GPM6A: variants seen among roughly 807,000 people sequenced by gnomAD.
GPM6A encodes the protein glycoprotein M6A, also known as neuronal membrane glycoprotein M6-a.
Under a neutral mutation model 32.1 loss-of-function variants are expected in GPM6A, and 7 were observed. The ratio of observed to expected loss-of-function variants is 0.22; its 90% CI spans 0.12 to 0.41. The LOEUF is 0.41. GPM6A is among the 10% of genes least tolerant of loss of function. The probability of loss-of-function intolerance (pLI) is 1.00; values close to 1 mark genes in which losing one functional copy is unlikely to be tolerated. For synonymous variants in GPM6A, 130 were observed against 123.4 expected, an observed-to-expected ratio of 1.05 and a Z score of -0.35; for missense variants, 235 against 347.2, an observed-to-expected ratio of 0.68 and a Z score of 2.57.
chr4:175,974,909 C>T (rs1226868859), intron 1 of GPM6A, among the ~76,000 whole-genome samples: 2 of 152,162 alleles, frequency 1.3e-5, no homozygotes, highest in African/African-American at 4.8e-5. Flanking sequence ...GTCTCAAACT[C>T]CTGGGCTCAA....
At chr4:175,844,173 A>G (rs1471818940) in intron 1 of GPM6A, among the ~76,000 whole-genome samples, 2 of 152,210 alleles carry the variant, frequency 1.3e-5, no homozygotes, top group East Asian at 3.9e-4. Context: ...TCCTCATTGC[A>G]AAAGCTTTTA....
At chr4:175,825,908 G>A (rs1342034938) in intron 1 of GPM6A, among the ~76,000 whole-genome samples, 3 of 152,016 alleles carry the variant, frequency 2.0e-5, no homozygotes, top group Non-Finnish European at 2.9e-5. Context: ...GGCTGGGTGC[G>A]GTGGCTCACA....
chr4:175,970,912 T>C (rs1346364594), intron 1 of GPM6A: 1 of 456,260 alleles, frequency 2.2e-6, no homozygotes. Context: ...ACCCTTTTTT[T>C]TCCCAACTGA....
chr4:175,706,141 T>C (rs1745175108), intron 1 of GPM6A, among the ~76,000 whole-genome samples: 1 of 152,094 alleles, frequency 6.6e-6, no homozygotes, highest in African/African-American at 2.4e-5. Context: ...AGTGAAGTTA[T>C]AGATTGACTT....
At chr4:175,934,089 A>G (rs1739146001) in intron 1 of GPM6A, among the ~76,000 whole-genome samples, 2 of 152,174 alleles carry the variant, frequency 1.3e-5, no homozygotes. Flanking sequence ...TCTGTAGTTG[A>G]GGGTTGGGGT....
At chr4:175,993,812 A>C (rs1241761500) in intron 1 of GPM6A, among the ~76,000 whole-genome samples, 2 of 152,142 alleles carry the variant, frequency 1.3e-5, no homozygotes, top group Non-Finnish European at 2.9e-5. Context: ...TGCAAGGAGG[A>C]AGCAGCTGAC....
intron 1 of GPM6A, among the ~76,000 whole-genome samples, chr4:175,729,908 TAATA>T (rs1224936675): frequency 6.8e-6 from 1 of 146,498 alleles, no homozygotes; most frequent in Admixed American, 6.9e-5. Context: ...TGTATTCAAA[TAATA>T]TATATATTAT....
intron 1 of GPM6A, among the ~76,000 whole-genome samples, chr4:175,803,627 T>C (rs2220918): frequency 0.44 from 67,557 of 151,818 alleles, 15,959 homozygotes; most frequent in Non-Finnish European, 0.53. Flanking sequence ...GTAGAGAAAA[T>C]TAATTCTCAA....
intron 1 of GPM6A, among the ~76,000 whole-genome samples, chr4:175,808,014 G>A (rs1560944167): frequency 1.3e-5 from 2 of 152,200 alleles, no homozygotes; most frequent in Non-Finnish European, 2.9e-5. Flanking sequence ...TTAGGCCAGT[G>A]TCTGGAACTG....
intron 1 of GPM6A, among the ~76,000 whole-genome samples, chr4:175,886,118 T>G (rs1039688039): frequency 2.6e-5 from 4 of 152,092 alleles, no homozygotes; most frequent in Admixed American, 2.6e-4. Context: ...GAATAAAAGC[T>G]TAGACTTTCA....
chr4:175,830,574 T>C (rs963449808), intron 1 of GPM6A, among the ~76,000 whole-genome samples: 1 of 152,158 alleles, frequency 6.6e-6, no homozygotes, highest in Admixed American at 6.5e-5. Context: ...GCATAAAGGA[T>C]TTAAGTGATT....
intron 2 of GPM6A, among the ~76,000 whole-genome samples, chr4:175,700,407 T>C (rs192716601): frequency 6.6e-6 from 1 of 152,170 alleles, no homozygotes; most frequent in Admixed American, 6.6e-5. Context: ...TAAAAAGTTG[T>C]CTGGGTTGAC....
In GPM6A at chr4:175,682,532, C is replaced by A. The variant is rs570346031; in HGVS notation, c.231-8696G>T. Reference sequence around the variant, plus strand: ...ACAGGCCTTGAAGGCCTTTCAGAGACCTTTGTGGTAGCCTCTCCCATCACA... The same window carrying A: ...ACAGGCCTTGAAGGCCTTTCAGAGAACTTTGTGGTAGCCTCTCCCATCACA... On this transcript the variant is annotated intron_variant, in intron 2 of 6. Transcript: ENST00000393658. Among the ~76,000 whole-genome samples the A allele has an allele frequency of 5.3e-5, 8 of 152,296 alleles. No homozygotes were observed. The East Asian group carries it at 1.2e-3, about 22-fold the overall frequency.
chr4:175,873,007 T>C (rs1042207808), intron 1 of GPM6A, among the ~76,000 whole-genome samples: 1 of 152,156 alleles, frequency 6.6e-6, no homozygotes, highest in African/African-American at 2.4e-5. Flanking sequence ...ATTTAAGGTA[T>C]TTGGGGGAAG....
intron 1 of GPM6A, among the ~76,000 whole-genome samples, chr4:175,738,909 G>C (rs1731769396): frequency 6.6e-6 from 1 of 152,038 alleles, no homozygotes; most frequent in South Asian, 2.1e-4. Context: ...TGGATATCAG[G>C]CAGAATTTTA....
chr4:175,896,167 G>C (rs1354656527), intron 1 of GPM6A, among the ~76,000 whole-genome samples: 1 of 152,162 alleles, frequency 6.6e-6, no homozygotes, highest in African/African-American at 2.4e-5. Flanking sequence ...TTATCTTTTG[G>C]GGAAGCTTTA....
chr4:175,686,658 G>A (rs529353434), intron 2 of GPM6A, among the ~76,000 whole-genome samples: 6 of 152,304 alleles, frequency 3.9e-5, no homozygotes, highest in South Asian at 4.1e-4. Context: ...CCTTGCTGAC[G>A]CCTTGACTTC....
chr4:175,702,886 T>C (rs1310069276), intron 1 of GPM6A, among the ~76,000 whole-genome samples: 1 of 152,182 alleles, frequency 6.6e-6, no homozygotes, highest in Non-Finnish European at 1.5e-5. Flanking sequence ...GATATTTGAG[T>C]GGTGACTCAT....
chr4:175,676,024 T>C (rs1391403788), intron 2 of GPM6A, among the ~76,000 whole-genome samples: 20 of 152,062 alleles, frequency 1.3e-4, no homozygotes, highest in Admixed American at 1.3e-3. Context: ...GTTACCTCCA[T>C]GTTGTTCTTG....
Sources: allele counts gnomAD v4.1 joint callset (sites outside exome capture counted in the v4.1 genomes callset), GRCh38; gene constraint gnomAD v4.1.1; transcripts MANE v1.5; gene names NCBI Gene and HGNC (gene_info 2026-07-23, HGNC 2026-07-21).